Variants in EPYC observed in about 807,000 individuals in gnomAD.
The protein encoded by EPYC is dermatan sulfate proteoglycan 3.
In EPYC, 28 loss-of-function variants were observed where a neutral mutation model predicts 30.1. The observed-to-expected ratio is 0.93, with a 90% CI of 0.69 to 1.28. EPYC has a LOEUF of 1.28. Among genes scored for constraint, EPYC ranks in the 50% most tolerant of loss-of-function variants. The pLI is 0.00. For synonymous variants in EPYC, 144 were observed against 141.4 expected (o/e 1.02, Z -0.13); for missense variants, 382 against 383.5 (o/e 1.00, Z 0.03).
At chr12:90,982,480 C>T (rs1592627232) in intron 2 of EPYC, among the ~76,000 whole-genome samples, 1 of 152,164 alleles carries the variant, frequency 6.6e-6, no homozygotes, top group East Asian at 1.9e-4. Context: ...CCCTCTCCAA[C>T]CTCCTGGCCC....
chr12:90,972,811 G>C lies in EPYC; in HGVS notation c.499+11C>G, dbSNP rs370001487. The C allele has an allele frequency of 6.2e-7, 1 of 1,611,430 alleles. No homozygotes were observed. The highest frequency in any genetic ancestry group is 1.1e-5 in the South Asian group (1 of 90,812). ...TAAAGCGGTGAAGGCCGTTAATGCT[G>C]TCATCCATACTTAGGCTTGCAAAGT... is the stretch of plus-strand genomic sequence containing the variant. On this transcript the variant is annotated intron_variant, in intron 4 of 6. Coordinates refer to ENST00000261172, the MANE Select transcript of EPYC (RefSeq NM_004950.5).
chr12:90,984,331 G>T (rs183151982), intron 2 of EPYC, among the ~76,000 whole-genome samples: 39 of 152,146 alleles, frequency 2.6e-4, no homozygotes, highest in African/African-American at 8.9e-4. Context: ...GGTTGGTGGT[G>T]GGGGGAACAA....
chr12:90,971,719 C>T (rs1307590684), intron 5 of EPYC, 81 bp downstream of exon 5: 3 of 452,838 alleles, frequency 6.6e-6, no homozygotes, highest in Non-Finnish European at 1.1e-5. Context: ...AATTTATTTT[C>T]CCTACACGAA....
At chr12:90,970,830 G>A (rs2408416) in intron 5 of EPYC, among the ~76,000 whole-genome samples, 5,134 of 152,178 alleles carry the variant, frequency 0.034, 95 homozygotes, top group African/African-American at 0.046. Context: ...ACTATCCCCT[G>A]TGCCATCCCT....
chr12:90,992,347 G>T (rs1371974473), intron 2 of EPYC, among the ~76,000 whole-genome samples: 1 of 152,172 alleles, frequency 6.6e-6, no homozygotes, highest in African/African-American at 2.4e-5. Flanking sequence ...CAGGGGATTA[G>T]AAATTCCTGC....
chr12:90,980,776 T>A (rs1037186691), intron 2 of EPYC, among the ~76,000 whole-genome samples: 21 of 152,242 alleles, frequency 1.4e-4, no homozygotes, highest in African/African-American at 5.1e-4. Flanking sequence ...ATTCATAAAT[T>A]CTTTCAGCTT....
chr12:90,976,128 A>G (rs762350467), intron 3 of EPYC, among the ~76,000 whole-genome samples: 10 of 152,170 alleles, frequency 6.6e-5, no homozygotes, highest in Non-Finnish European at 1.2e-4. Context: ...ATTGAAGAAC[A>G]GTTAAAAACT....
Position 90,978,265 on chromosome 12 carries a change from G to GA in EPYC, c.166-4dup, listed in dbSNP as rs66600255. On this transcript the variant is annotated splice_polypyrimidine_tract_variant and splice_region_variant and intron_variant, in intron 2 of 6. Coordinates refer to ENST00000261172, the MANE Select transcript of EPYC (RefSeq NM_004950.5). ...GGCATCACTGTGGCTATTTCAATCT[G>GA]AAAAAAAAAAAAAAAAGAGAATTTC... 17,718 of 1,341,064 alleles carry GA rather than the reference G, an allele frequency of 0.013. 7 individuals are homozygous for GA. The highest frequency in any genetic ancestry group is 0.031 in the African/African-American group (1,907 of 60,548). The allele number at this position is 1,341,064 out of a possible 1,614,324, so 83.1% of individuals were successfully genotyped here.
At chr12:90,982,270 A>C (rs1877341281) in intron 2 of EPYC, among the ~76,000 whole-genome samples, 1 of 151,550 alleles carries the variant, frequency 6.6e-6, no homozygotes, top group Non-Finnish European at 1.5e-5. Context: ...TAAGAATGGA[A>C]TCTTTTAAAA....
At chr12:91,002,268 A>G in intron 2 of EPYC, 133 bp downstream of exon 2, 2 of 652,958 alleles carry the variant, frequency 3.1e-6, no homozygotes, top group South Asian at 4.5e-5. Context: ...TTTGGAGAAA[A>G]GGTTAATATG....
intron 2 of EPYC, among the ~76,000 whole-genome samples, chr12:90,991,433 C>A (rs906961912): frequency 6.6e-6 from 1 of 151,468 alleles, no homozygotes; most frequent in Non-Finnish European, 1.5e-5. Flanking sequence ...ACAACATATC[C>A]AATTAAGAAT....
At chr12:90,970,166 C>T in intron 5 of EPYC, 27 bp from the exon 6 acceptor site, 1 of 1,498,468 alleles carries the variant, frequency 6.7e-7, no homozygotes. Context: ...TGTGGGAACT[C>T]AATAAAAACT....
At chr12:90,972,065 T>C (rs558290152) in intron 4 of EPYC, 63 bp from the exon 5 acceptor site, 1 of 1,034,720 alleles carries the variant, frequency 9.7e-7, no homozygotes, top group East Asian at 2.7e-5. Flanking sequence ...AAAATATAAA[T>C]GTAATTTTCC....
rs116794832 is a variant in EPYC, at chr12:90,977,966, C to G, written c.340+122G>C. 628 of 690,748 alleles carry G rather than the reference C, an allele frequency of 9.1e-4. 5 individuals carry two copies. The African/African-American group carries it at 0.011, about 12-fold the overall frequency. The allele number at this position is 690,748 out of a possible 1,614,324, so 42.8% of individuals were successfully genotyped here. ...ATCTATGTATAAATATGCTTCAAAC[C>G]TAGCCTATTCCAAAACTTTTTTCTT... is the stretch of plus-strand genomic sequence containing the variant. On this transcript the variant is annotated intron_variant, in intron 3 of 6. Coordinates refer to ENST00000261172, the MANE Select transcript of EPYC (RefSeq NM_004950.5).
chr12:90,991,458 T>A (rs572314856), intron 2 of EPYC, among the ~76,000 whole-genome samples: 9 of 151,570 alleles, frequency 5.9e-5, no homozygotes, highest in Non-Finnish European at 1.2e-4. Context: ...AACTCAGAAA[T>A]GTGAAGATTT....
chr12:90,964,884 T>C (rs774857211), intron 6 of EPYC, among the ~76,000 whole-genome samples: 8 of 152,134 alleles, frequency 5.3e-5, no homozygotes, highest in Non-Finnish European at 1.0e-4. Context: ...CCTAGGTTTA[T>C]TTACTGTATC....
chr12:90,980,315 C>T (rs1038163129), intron 2 of EPYC, among the ~76,000 whole-genome samples: 1 of 152,112 alleles, frequency 6.6e-6, no homozygotes, highest in African/African-American at 2.4e-5. Flanking sequence ...TATAATGAGG[C>T]AAAACAGCTT....
chr12:90,998,964 C>T (rs1451863533), intron 2 of EPYC, among the ~76,000 whole-genome samples: 4 of 152,062 alleles, frequency 2.6e-5, no homozygotes, highest in African/African-American at 9.7e-5. Context: ...CATTTACAGG[C>T]CTTCTACATT....
chr12:90,974,031 C>A (rs1042152580), intron 3 of EPYC, among the ~76,000 whole-genome samples: 1 of 96,500 alleles, frequency 1.0e-5, no homozygotes, highest in African/African-American at 4.4e-5. Context: ...TTCTGTCTTA[C>A]ACACACTCAC....
Sources: allele counts gnomAD v4.1 joint callset (sites outside exome capture counted in the v4.1 genomes callset), GRCh38; gene constraint gnomAD v4.1.1; transcripts MANE v1.5; gene names NCBI Gene and HGNC (gene_info 2026-07-23, HGNC 2026-07-21).